The following APP variants were observed in gnomAD, a reference collection of about 807,000 sequenced individuals.
APP encodes amyloid-beta precursor protein.
APP carries 31 observed loss-of-function variants against 101.4 expected under a neutral mutation model. The ratio of observed to expected loss-of-function variants is 0.31; its 90% CI spans 0.23 to 0.41. The LOEUF is 0.41. APP is among the 10% of genes least tolerant of loss of function. The pLI is 1.00. For synonymous variants in APP, 366 were observed against 364.4 expected, an observed-to-expected ratio of 1.00 and a Z score of -0.05; for missense variants, 839 against 1,003.7, an observed-to-expected ratio of 0.84 and a Z score of 2.22.
At chr21:26,104,860 G>A (rs183075589) in intron 2 of APP, among the ~76,000 whole-genome samples, 5 of 151,954 alleles carry the variant, frequency 3.3e-5, no homozygotes, top group African/African-American at 9.6e-5. Flanking sequence ...ACGGTGATGA[G>A]TTCTGTTGGT....
intron 13 of APP, among the ~76,000 whole-genome samples, chr21:25,953,981 A>C (rs2041203073): frequency 6.6e-6 from 1 of 152,190 alleles, no homozygotes; most frequent in Non-Finnish European, 1.5e-5. Context: ...TCAGAATATA[A>C]GTTTAATAGC....
At chr21:25,912,576 T>C (rs984516834) in intron 13 of APP, among the ~76,000 whole-genome samples, 1 of 152,202 alleles carries the variant, frequency 6.6e-6, no homozygotes. Context: ...AACTGTTCCC[T>C]TGCCCTTCCA....
At position 26,170,555 on chromosome 21, in the gene APP, G is replaced by A. The variant is rs1292022969; in HGVS notation, c.57+9C>T. ...AGCCTCCCCCCGCCTTCCGAGGCGCGGCACCCACCTCCAGCGCCCGAGCCG... is the reference window on the plus strand; with the variant it reads ...AGCCTCCCCCCGCCTTCCGAGGCGCAGCACCCACCTCCAGCGCCCGAGCCG... On this transcript the variant is annotated intron_variant, in intron 1 of 17. Transcript: ENST00000346798. 31 of 1,537,412 alleles carry A rather than the reference G, an allele frequency of 2.0e-5. No homozygotes were observed. Among genetic ancestry groups the A allele is most frequent in the African/African-American group, 6.9e-5 (5 of 72,824 alleles).
At chr21:25,972,542 CTT>C (rs34516852) in intron 11 of APP, among the ~76,000 whole-genome samples, 1 of 149,746 alleles carries the variant, frequency 6.7e-6, no homozygotes, top group Non-Finnish European at 1.5e-5. Context: ...TGCACTCAAA[CTT>C]TTTTTTTTAA....
intron 13 of APP, among the ~76,000 whole-genome samples, chr21:25,923,227 A>G (rs2039711370): frequency 1.7e-5 from 2 of 117,470 alleles, no homozygotes; most frequent in African/African-American, 7.7e-5. Context: ...ACAAAAATCA[A>G]TTCAAGATGG....
chr21:26,090,134 T>A (rs1158772337), intron 2 of APP, 62 bp from the exon 3 acceptor site: 1 of 1,606,762 alleles, frequency 6.2e-7, no homozygotes, highest in Non-Finnish European at 8.5e-7. Flanking sequence ...TTTACAAGCA[T>A]CTAACAAGCC....
chr21:25,950,624 C>T (rs2041032697), intron 13 of APP, among the ~76,000 whole-genome samples: 1 of 152,040 alleles, frequency 6.6e-6, no homozygotes, highest in African/African-American at 2.4e-5. Context: ...TCAGGTGATC[C>T]ACTGCCGCCG....
intron 5 of APP, among the ~76,000 whole-genome samples, chr21:26,049,735 G>A (rs1426563063): frequency 6.6e-6 from 1 of 152,178 alleles, no homozygotes; most frequent in Non-Finnish European, 1.5e-5. Flanking sequence ...AGGTAAGAAT[G>A]GTTATCCATT....
chr21:26,038,262 GGATA>G (rs1454230193), intron 5 of APP, among the ~76,000 whole-genome samples: 2 of 89,874 alleles, frequency 2.2e-5, no homozygotes, highest in Non-Finnish European at 3.1e-5. Flanking sequence ...ACCTTATCTA[GGATA>G]GAAGTGCTTA....
In APP at chr21:26,157,270, A is replaced by G. The variant is rs551536434; in HGVS notation, c.57+13294T>C. On this transcript the variant is annotated intron_variant, in intron 1 of 17. Transcript: ENST00000346798. ...TTTTTTGTAGAGACGGGGTTTCACC[A>G]TGTTGGCCAGGCTGGCCTTGAACTC... 5.9e-5 allele frequency among the ~76,000 whole-genome samples: 9 copies of G among 152,218 alleles called. No homozygotes were observed. The South Asian group carries it at 1.9e-3, about 32-fold the overall frequency.
intron 10 of APP, 80 bp from the exon 11 acceptor site, chr21:25,975,308 T>C (rs1254102727): frequency 6.3e-7 from 1 of 1,575,304 alleles, no homozygotes; most frequent in Non-Finnish European, 8.7e-7. Context: ...AAAAAAGACA[T>C]CCTATTCCAT....
At chr21:26,013,775 A>C (rs1312933594) in intron 6 of APP, among the ~76,000 whole-genome samples, 2 of 152,108 alleles carry the variant, frequency 1.3e-5, no homozygotes, top group Non-Finnish European at 2.9e-5. Context: ...TCTATTCCCT[A>C]GTCTCATCAC....
At chr21:26,055,167 TCA>T (rs1451697723) in intron 3 of APP, among the ~76,000 whole-genome samples, 1 of 152,046 alleles carries the variant, frequency 6.6e-6, no homozygotes, top group African/African-American at 2.4e-5. Flanking sequence ...GCTGCAGGTG[TCA>T]CTTTGCAGGG....
At chr21:25,967,549 C>T (rs1434518125) in intron 11 of APP, among the ~76,000 whole-genome samples, 1 of 152,152 alleles carries the variant, frequency 6.6e-6, no homozygotes, top group Non-Finnish European at 1.5e-5. Context: ...TTAGGGGGTG[C>T]TAAGGTTTTC....
chr21:25,955,843 C>T, intron 11 of APP, 88 bp from the exon 12 acceptor site: 11 of 1,589,616 alleles, frequency 6.9e-6, no homozygotes, highest in Non-Finnish European at 9.5e-6. Flanking sequence ...TCCACTAATG[C>T]ATCCGGTCAT....
chr21:25,946,293 A>G (rs993738289), intron 13 of APP, among the ~76,000 whole-genome samples: 1 of 152,222 alleles, frequency 6.6e-6, no homozygotes, highest in Non-Finnish European at 1.5e-5. Context: ...CAACCTACAG[A>G]ATGGGTAAAA....
intron 8 of APP, among the ~76,000 whole-genome samples, chr21:25,995,005 T>C (rs533306586): frequency 6.6e-6 from 1 of 152,258 alleles, no homozygotes; most frequent in African/African-American, 2.4e-5. Context: ...TTCATCCTCC[T>C]AGAATGGAAA....
chr21:25,972,512 G>T (rs2042070515), intron 11 of APP, among the ~76,000 whole-genome samples: 1 of 136,926 alleles, frequency 7.3e-6, no homozygotes, highest in Non-Finnish European at 1.6e-5. Flanking sequence ...GCCAAACAAA[G>T]ATTTCATCAC....
At chr21:26,158,810 C>A (rs554796328) in intron 1 of APP, among the ~76,000 whole-genome samples, 32 of 152,302 alleles carry the variant, frequency 2.1e-4, no homozygotes, top group African/African-American at 7.5e-4. Context: ...ATCCTTGAAA[C>A]CTAGTTCAAA....
Sources: gnomAD v4.1 joint callset for allele counts (sites outside exome capture counted in the v4.1 genomes callset) on GRCh38, gnomAD v4.1.1 for gene constraint, MANE v1.5 for transcripts, NCBI Gene and HGNC (gene_info 2026-07-23, HGNC 2026-07-21) for gene names.